Variants in PDE8A observed in about 807,000 individuals in gnomAD.
The protein encoded by PDE8A is phosphodiesterase 8A, also known as high affinity cAMP-specific and IBMX-insensitive 3',5'-cyclic phosphodiesterase 8A.
PDE8A carries 59 observed loss-of-function variants against 105.0 expected under a neutral mutation model. The ratio of observed to expected loss-of-function variants is 0.56; its 90% CI spans 0.46 to 0.70. PDE8A has a LOEUF of 0.70. Among genes scored for constraint, PDE8A ranks in the 30% least tolerant of loss-of-function variants. PDE8A has a pLI of 0.00. For synonymous variants in PDE8A, 355 were observed against 371.9 expected (o/e 0.95, Z 0.52); for missense variants, 1,014 against 1,045.9 (o/e 0.97, Z 0.42).
chr15:85,039,838 A>C (rs2080771779), intron 1 of PDE8A, among the ~76,000 whole-genome samples: 1 of 152,248 alleles, frequency 6.6e-6, no homozygotes. Context: ...TAAGCCAGGC[A>C]CAGAGAGACA....
chr15:85,102,701 T>G (rs1016055594), intron 11 of PDE8A, among the ~76,000 whole-genome samples: 5 of 151,508 alleles, frequency 3.3e-5, no homozygotes, highest in Admixed American at 2.0e-4. Flanking sequence ...TAGCCAGGCG[T>G]CGTGGCGCAT....
At chr15:85,052,439 A>G (rs2080990826) in intron 1 of PDE8A, among the ~76,000 whole-genome samples, 1 of 152,234 alleles carries the variant, frequency 6.6e-6, no homozygotes, top group Non-Finnish European at 1.5e-5. Flanking sequence ...AGTCCCACCA[A>G]CAGTGTAAAA....
At position 85,064,228 on chromosome 15, in the gene PDE8A, C is replaced by T. The variant is rs1303200690; in HGVS notation, c.187-142C>T. On this transcript the variant is annotated intron_variant, in intron 1 of 21. Coordinates refer to ENST00000394553, the MANE Select transcript of PDE8A (RefSeq NM_002605.3). Reference sequence around the variant, plus strand: ...GGAGATCCTTAGGATTCCTCATAATCATTTCATTTATCTACTATTTACTTT... The same window carrying T: ...GGAGATCCTTAGGATTCCTCATAATTATTTCATTTATCTACTATTTACTTT... The T allele has an allele frequency of 5.1e-6, 3 of 589,902 alleles. No individual in the cohort carries two copies. In the East Asian group the frequency reaches 8.6e-5, roughly 17 times the overall value. 36.5% of individuals were successfully genotyped at this position (589,902 alleles called of 1,614,324 possible).
intron 5 of PDE8A, among the ~76,000 whole-genome samples, chr15:85,080,035 A>G (rs1249819901): frequency 6.6e-6 from 1 of 152,232 alleles, no homozygotes; most frequent in Non-Finnish European, 1.5e-5. Flanking sequence ...GACACTTAAC[A>G]TGATAAAAGG....
intron 1 of PDE8A, among the ~76,000 whole-genome samples, chr15:85,039,947 T>C (rs1322062651): frequency 6.6e-6 from 1 of 151,930 alleles, no homozygotes; most frequent in African/African-American, 2.4e-5. Flanking sequence ...AGGGGAGTGG[T>C]AGATGGGAAA....
At chr15:85,105,923 G>C (rs1186198136) in intron 11 of PDE8A, among the ~76,000 whole-genome samples, 1 of 152,160 alleles carries the variant, frequency 6.6e-6, no homozygotes, top group Non-Finnish European at 1.5e-5. Flanking sequence ...TCTGAGAGCT[G>C]GGTGCTGGGG....
chr15:85,031,625 G>A (rs1370099266), intron 1 of PDE8A, among the ~76,000 whole-genome samples: 1 of 152,108 alleles, frequency 6.6e-6, no homozygotes, highest in East Asian at 1.9e-4. Flanking sequence ...CTTCCTAGCT[G>A]TGTGACTGAC....
At chr15:85,008,725 C>T (rs550581027) in intron 1 of PDE8A, among the ~76,000 whole-genome samples, 2 of 152,270 alleles carry the variant, frequency 1.3e-5, no homozygotes, top group African/African-American at 4.8e-5. Flanking sequence ...TTCCTCCCTC[C>T]TCTAGTCTGC....
Position 85,137,925 on chromosome 15 carries a change from C to T in PDE8A, c.*22C>T, listed in dbSNP as rs1268027708. The T allele has an allele frequency of 2.1e-6, 3 of 1,444,940 alleles. No homozygotes were observed. Among genetic ancestry groups the T allele is most frequent in the Non-Finnish European group, 2.9e-6 (3 of 1,026,466 alleles). 89.5% of individuals were successfully genotyped at this position (1,444,940 alleles called of 1,614,324 possible). A position where few individuals can be genotyped will look rare whatever the true frequency, so the allele number is the denominator to read the frequency against. Reference sequence around the variant, plus strand: ...ATAGTGGGAGACACCACCCAGAGCCCTGAAGCTTTGTTCCTTCGGTCATTT... The same window carrying T: ...ATAGTGGGAGACACCACCCAGAGCCTTGAAGCTTTGTTCCTTCGGTCATTT... On this transcript the variant is annotated 3_prime_UTR_variant, in exon 22 of 22. Coordinates refer to ENST00000394553, the MANE Select transcript of PDE8A (RefSeq NM_002605.3).
upstream of PDE8A, among the ~76,000 whole-genome samples, chr15:84,981,245 G>A (rs1156725359): frequency 2.6e-5 from 4 of 152,164 alleles, no homozygotes; most frequent in Admixed American, 6.5e-5. Flanking sequence ...GCCTGTCGTC[G>A]CCGCGCATGC....
At chr15:84,999,620 G>A (rs542978631) in intron 1 of PDE8A, among the ~76,000 whole-genome samples, 18 of 151,896 alleles carry the variant, frequency 1.2e-4, no homozygotes, top group African/African-American at 4.4e-4. Context: ...CTGTCGCCAG[G>A]CTGGAGTTCA....
At chr15:85,136,768 C>T in intron 21 of PDE8A, 105 bp downstream of exon 21, 1 of 1,142,336 alleles carries the variant, frequency 8.8e-7, no homozygotes, top group African/African-American at 1.6e-5. Context: ...GGGGCCTGGG[C>T]TTTCAAGAAC....
intron 11 of PDE8A, among the ~76,000 whole-genome samples, chr15:85,100,518 C>A (rs556146111): frequency 4.5e-4 from 69 of 152,366 alleles, no homozygotes; most frequent in Non-Finnish European, 9.0e-4. Flanking sequence ...GTTTATCCCA[C>A]AGTCCTTTAA....
intron 1 of PDE8A, among the ~76,000 whole-genome samples, chr15:85,058,215 C>G (rs771140989): frequency 6.6e-6 from 1 of 152,102 alleles, no homozygotes; most frequent in Non-Finnish European, 1.5e-5. Context: ...TGAGTAGCTA[C>G]GATTATAGGT....
intron 20 of PDE8A, among the ~76,000 whole-genome samples, chr15:85,131,561 AT>A: frequency 6.6e-6 from 1 of 152,244 alleles, no homozygotes; most frequent in East Asian, 1.9e-4. Context: ...CATTTTGTAA[AT>A]GTCACAAGTA....
intron 1 of PDE8A, among the ~76,000 whole-genome samples, chr15:85,008,998 T>C (rs1436149294): frequency 6.6e-6 from 1 of 151,932 alleles, no homozygotes; most frequent in African/African-American, 2.4e-5. Flanking sequence ...CCATGGGAGG[T>C]ACAAGTTTTG....
chr15:84,996,685 G>A (rs57753919), intron 1 of PDE8A, among the ~76,000 whole-genome samples: 21,843 of 151,670 alleles, frequency 0.14, 3,442 homozygotes, highest in African/African-American at 0.4. Context: ...AATTAGGCGG[G>A]TATAGTGGCA....
chr15:85,100,287 A>T (rs2081839864), intron 11 of PDE8A, 89 bp downstream of exon 11: 5 of 1,163,122 alleles, frequency 4.3e-6, no homozygotes. Flanking sequence ...GCCTGGTGTA[A>T]TGGTGGGATT....
chr15:85,122,297 A>G (rs4843020), intron 18 of PDE8A, among the ~76,000 whole-genome samples: 27,524 of 152,190 alleles, frequency 0.18, 3,106 homozygotes, highest in East Asian at 0.38. Context: ...AGTGCTTGGT[A>G]CATACTAGGA....
Sources: gnomAD v4.1 joint callset for allele counts (sites outside exome capture counted in the v4.1 genomes callset) on GRCh38, gnomAD v4.1.1 for gene constraint, MANE v1.5 for transcripts, NCBI Gene and HGNC (gene_info 2026-07-23, HGNC 2026-07-21) for gene names.